Variants in PVALB observed in about 807,000 individuals in gnomAD.
PVALB encodes the protein parvalbumin alpha.
In PVALB, 11 loss-of-function variants were observed where a neutral mutation model predicts 10.9. That is an observed-to-expected ratio of 1.01 (90% CI 0.63 to 1.67). The LOEUF (loss-of-function observed/expected upper bound fraction) is 1.67, where lower values mean the gene tolerates loss of function less well. Ranked by LOEUF, PVALB falls within the 40% of genes most tolerant of loss-of-function variation. PVALB has a pLI of 0.00. For synonymous variants in PVALB, 57 were observed against 50.7 expected, an observed-to-expected ratio of 1.12 and a Z score of -0.53; for missense variants, 131 against 136.2, an observed-to-expected ratio of 0.96 and a Z score of 0.19.
chr22:36,816,849 G>T, intron 1 of PVALB, 96 bp downstream of exon 1: 1 of 1,123,572 alleles, frequency 8.9e-7, no homozygotes, highest in Non-Finnish European at 1.2e-6. Context: ...GCAGAAGCGC[G>T]CTGGGGAGGA....
At chr22:36,814,983 C>T in intron 2 of PVALB, 120 bp downstream of exon 2, 1 of 1,353,652 alleles carries the variant, frequency 7.4e-7, no homozygotes, top group African/African-American at 1.5e-5. Context: ...CGCACGGTTA[C>T]TTTCTGTGAA....
intron 1 of PVALB, 177 bp from the exon 2 acceptor site, chr22:36,815,412 C>T: frequency 3.7e-6 from 3 of 801,028 alleles, no homozygotes; most frequent in Non-Finnish European, 5.8e-6. Context: ...ATAACCTGTC[C>T]AAGGTCACAA....
intron 3 of PVALB, among the ~76,000 whole-genome samples, chr22:36,811,246 C>G (rs1443794582): frequency 6.6e-6 from 1 of 151,406 alleles, no homozygotes; most frequent in Non-Finnish European, 1.5e-5. Flanking sequence ...CCACTGCACT[C>G]CAGCCTGGGT....
At chr22:36,804,323 C>T (rs1601518452) in intron 3 of PVALB, among the ~76,000 whole-genome samples, 1 of 152,358 alleles carries the variant, frequency 6.6e-6, no homozygotes, top group East Asian at 1.9e-4. Context: ...TGGAGCCAGA[C>T]TTTGGGAGGT....
chr22:36,805,387 C>G (rs896830917), intron 3 of PVALB, among the ~76,000 whole-genome samples: 1 of 152,190 alleles, frequency 6.6e-6, no homozygotes, highest in African/African-American at 2.4e-5. Context: ...CAAGGTGTTT[C>G]TGTACTTCAA....
chr22:36,806,430 C>T (rs541513743), intron 3 of PVALB, among the ~76,000 whole-genome samples: 6 of 152,196 alleles, frequency 3.9e-5, no homozygotes, highest in East Asian at 1.9e-4. Flanking sequence ...TCCAAGGCCG[C>T]GGGGATTGGA....
At chr22:36,808,940 C>T (rs373761035) in intron 3 of PVALB, among the ~76,000 whole-genome samples, 1 of 152,202 alleles carries the variant, frequency 6.6e-6, no homozygotes, top group African/African-American at 2.4e-5. Context: ...AATGAATCAA[C>T]CACATCTATA....
chr22:36,803,289 A>G (rs1231739862), intron 3 of PVALB, among the ~76,000 whole-genome samples: 2 of 152,182 alleles, frequency 1.3e-5, no homozygotes, highest in East Asian at 3.9e-4. Flanking sequence ...TCCCAGCTCA[A>G]ATATCACCAT....
chr22:36,803,485 A>C (rs954265261), intron 3 of PVALB, among the ~76,000 whole-genome samples: 4 of 152,174 alleles, frequency 2.6e-5, no homozygotes, highest in Non-Finnish European at 5.9e-5. Flanking sequence ...GTAGGTGCTC[A>C]TAAATAAGCT....
intron 3 of PVALB, among the ~76,000 whole-genome samples, chr22:36,803,631 G>A (rs537487621): frequency 1.7e-4 from 25 of 144,544 alleles, no homozygotes; most frequent in Admixed American, 6.7e-4. Flanking sequence ...ATAGAGGGAT[G>A]GATAAAGGGA....
Position 36,810,405 on chromosome 22 carries a change from A to C in PVALB, c.304+3241T>G, listed in dbSNP as rs376824465. 1.6e-4 allele frequency among the ~76,000 whole-genome samples: 24 copies of C among 152,118 alleles called. 1 individual carries two copies. The highest frequency in any genetic ancestry group is 9.6e-5 in the African/African-American group (4 of 41,474). On this transcript the variant is annotated intron_variant, in intron 3 of 3. Transcript: ENST00000417718. ...CTGCCTATTGGGCATCATTGCACCCACCCTTCCTGCGTTAGGGGGTTGGGA... is the reference window on the plus strand; with the variant it reads ...CTGCCTATTGGGCATCATTGCACCCCCCCTTCCTGCGTTAGGGGGTTGGGA...
At chr22:36,811,665 C>T in intron 3 of PVALB, 2 of 401,874 alleles carry the variant, frequency 5.0e-6, no homozygotes, top group Non-Finnish European at 1.0e-5. Context: ...AAGACCCAGC[C>T]CAGGGCTTCT....
At chr22:36,809,037 C>G (rs1208371885) in intron 3 of PVALB, among the ~76,000 whole-genome samples, 1 of 152,176 alleles carries the variant, frequency 6.6e-6, no homozygotes, top group African/African-American at 2.4e-5. Flanking sequence ...TACCCCCTCC[C>G]TTCAATACAG....
chr22:36,807,584 AT>A (rs1429420128), intron 3 of PVALB, among the ~76,000 whole-genome samples: 12 of 152,324 alleles, frequency 7.9e-5, no homozygotes, highest in African/African-American at 2.6e-4. Context: ...AAACATTCCC[AT>A]AAAATAAGAG....
At chr22:36,802,272 A>C (rs1938877404) in intron 3 of PVALB, among the ~76,000 whole-genome samples, 1 of 152,124 alleles carries the variant, frequency 6.6e-6, no homozygotes, top group African/African-American at 2.4e-5. Context: ...ACACACACAC[A>C]CAAAAGCCAA....
At chr22:36,812,598 G>A (rs1202274210) in intron 3 of PVALB, among the ~76,000 whole-genome samples, 1 of 152,164 alleles carries the variant, frequency 6.6e-6, no homozygotes, top group Non-Finnish European at 1.5e-5. Flanking sequence ...AGAAAACAGA[G>A]GCTCAGAGTA....
chr22:36,803,715 G>A (rs1938908118), intron 3 of PVALB, among the ~76,000 whole-genome samples: 2 of 150,586 alleles, frequency 1.3e-5, no homozygotes, highest in Non-Finnish European at 2.9e-5. Context: ...ATGGATGGGT[G>A]GGTGGTTGGG....
upstream of PVALB, among the ~76,000 whole-genome samples, chr22:36,817,890 C>G (rs545788225): frequency 6.6e-6 from 1 of 152,072 alleles, no homozygotes; most frequent in South Asian, 2.1e-4. Flanking sequence ...TTGCTATGCT[C>G]CCTCCCAGAA....
rs536576539 is a variant in PVALB, at chr22:36,803,713, G to A, written c.305-2795C>T. Reference sequence around the variant, plus strand: ...GATGGATGGATGGATGGATGGATGGGTGGGTGGTTGGGTGGGTGGATGGGA... The same window carrying A: ...GATGGATGGATGGATGGATGGATGGATGGGTGGTTGGGTGGGTGGATGGGA... On this transcript the variant is annotated intron_variant, in intron 3 of 3. Transcript: ENST00000417718. Among the ~76,000 whole-genome samples the A allele has an allele frequency of 1.3e-4, 17 of 126,036 alleles. No individual in the cohort carries two copies. In the East Asian group the frequency reaches 1.5e-3, roughly 11 times the overall value. 82.7% of individuals were successfully genotyped at this position (126,036 alleles called of 152,430 possible).
Sources: gnomAD v4.1 joint callset for allele counts (sites outside exome capture counted in the v4.1 genomes callset) on GRCh38, gnomAD v4.1.1 for gene constraint, MANE v1.5 for transcripts, NCBI Gene and HGNC (gene_info 2026-07-23, HGNC 2026-07-21) for gene names.